Variants in ARL15 observed in about 807,000 individuals in gnomAD.
ARL15 encodes ADP-ribosylation factor-like protein 15.
Under a neutral mutation model 25.2 loss-of-function variants are expected in ARL15, and 19 were observed. The ratio of observed to expected loss-of-function variants is 0.75; its 90% CI spans 0.53 to 1.10. The LOEUF (loss-of-function observed/expected upper bound fraction) is 1.10. ARL15 is among the 50% of genes least tolerant of loss of function. The probability of loss-of-function intolerance (pLI) is 0.00; values close to 1 mark genes in which losing one functional copy is unlikely to be tolerated. For missense variants in ARL15, 220 were observed against 246.0 expected, an observed-to-expected ratio of 0.89 and a Z score of 0.71; for synonymous variants, 94 against 86.8, an observed-to-expected ratio of 1.08 and a Z score of -0.46.
chr5:54,141,747 T>G (rs995759743), intron 3 of ARL15, among the ~76,000 whole-genome samples: 2 of 152,306 alleles, frequency 1.3e-5, no homozygotes, highest in South Asian at 4.1e-4. Flanking sequence ...CACTGGTCTT[T>G]CTGTCACTAA....
intron 4 of ARL15, chr5:54,067,093 C>G (rs1751260989): frequency 6.6e-6 from 1 of 152,640 alleles, no homozygotes; most frequent in Admixed American, 6.5e-5. Context: ...CAACATCTAA[C>G]AGGAAATTGG....
intron 4 of ARL15, among the ~76,000 whole-genome samples, chr5:53,908,945 A>C (rs1307035422): frequency 1.3e-5 from 2 of 152,230 alleles, no homozygotes; most frequent in Non-Finnish European, 2.9e-5. Flanking sequence ...CATCATTTGA[A>C]AAATACATGC....
chr5:54,231,051 T>C (rs1280011205), intron 1 of ARL15, among the ~76,000 whole-genome samples: 3 of 152,190 alleles, frequency 2.0e-5, no homozygotes, highest in Non-Finnish European at 2.9e-5. Flanking sequence ...TCTCTCCCTC[T>C]TTCCCCTGCT....
rs72756274 is a variant in ARL15, at chr5:54,283,980, G to A, written c.48+26452C>T. Among the ~76,000 whole-genome samples the A allele has an allele frequency of 9.7e-3, 1,484 of 152,216 alleles. 9 individuals are homozygous for A. The highest frequency in any genetic ancestry group is 0.02 in the Middle Eastern group (6 of 294). On this transcript the variant is annotated intron_variant, in intron 1 of 4. Transcript: ENST00000504924. Reference sequence around the variant, plus strand: ...TCCAGTGACAATCTTGGGTTGTGACGGCACAATGAGAACAGTGGACACATG... The same window carrying A: ...TCCAGTGACAATCTTGGGTTGTGACAGCACAATGAGAACAGTGGACACATG...
chr5:54,249,767 G>A (rs191046325), intron 1 of ARL15, among the ~76,000 whole-genome samples: 8 of 151,330 alleles, frequency 5.3e-5, no homozygotes, highest in East Asian at 2.0e-4. Flanking sequence ...CCTAAGGCAC[G>A]ACAGAGGAGC....
intron 4 of ARL15, among the ~76,000 whole-genome samples, chr5:54,077,928 T>G (rs1751665464): frequency 6.6e-6 from 1 of 152,204 alleles, no homozygotes; most frequent in Admixed American, 6.5e-5. Context: ...TTTGGAAATA[T>G]GTAATTAATA....
intron 4 of ARL15, among the ~76,000 whole-genome samples, chr5:54,110,302 C>G (rs1752703065): frequency 6.6e-6 from 1 of 151,942 alleles, no homozygotes; most frequent in African/African-American, 2.4e-5. Flanking sequence ...CTGGCTTCTC[C>G]CCACTTCTAA....
chr5:54,025,728 AG>A (rs1262949177), intron 4 of ARL15, among the ~76,000 whole-genome samples: 3 of 152,180 alleles, frequency 2.0e-5, no homozygotes, highest in Admixed American at 2.0e-4. Context: ...GCTATTTCCC[AG>A]GGATAAATTG....
intron 3 of ARL15, among the ~76,000 whole-genome samples, chr5:54,129,511 C>T (rs537534857): frequency 6.6e-5 from 10 of 151,904 alleles, no homozygotes; most frequent in African/African-American, 1.2e-4. Flanking sequence ...AAAAATTAAA[C>T]GAGAAGAGAT....
At chr5:54,200,052 C>T (rs1395838698) in intron 1 of ARL15, among the ~76,000 whole-genome samples, 1 of 149,198 alleles carries the variant, frequency 6.7e-6, no homozygotes, top group African/African-American at 2.5e-5. Flanking sequence ...GAACAAAAAA[C>T]CAAACACCGC....
intron 4 of ARL15, among the ~76,000 whole-genome samples, chr5:53,961,965 A>G (rs1242780739): frequency 1.3e-5 from 2 of 152,196 alleles, no homozygotes; most frequent in Non-Finnish European, 2.9e-5. Context: ...AATGTAATTA[A>G]TTCAACCAGT....
intron 4 of ARL15, among the ~76,000 whole-genome samples, chr5:54,054,600 C>T (rs1256943034): frequency 6.6e-6 from 1 of 152,124 alleles, no homozygotes; most frequent in Non-Finnish European, 1.5e-5. Flanking sequence ...ACCATCCTGG[C>T]TAACACGGTG....
At chr5:54,148,005 T>C (rs1042552007) in intron 3 of ARL15, among the ~76,000 whole-genome samples, 2 of 152,182 alleles carry the variant, frequency 1.3e-5, no homozygotes, top group South Asian at 2.1e-4. Flanking sequence ...TGATGCATAA[T>C]ATACATGGAA....
chr5:54,148,724 T>TG (rs1193508170), intron 3 of ARL15, among the ~76,000 whole-genome samples: 1 of 152,038 alleles, frequency 6.6e-6, no homozygotes, highest in Non-Finnish European at 1.5e-5. Context: ...GGATGGGGCA[T>TG]GGGGAGACAA....
At chr5:53,898,156 G>C (rs530903211) in intron 4 of ARL15, among the ~76,000 whole-genome samples, 1 of 152,290 alleles carries the variant, frequency 6.6e-6, no homozygotes, top group South Asian at 2.1e-4. Context: ...ACAGGTGGCA[G>C]AGGCAGAAGA....
chr5:53,895,716 C>G (rs1173016656), intron 4 of ARL15, among the ~76,000 whole-genome samples: 3 of 152,142 alleles, frequency 2.0e-5, no homozygotes, highest in Non-Finnish European at 4.4e-5. Flanking sequence ...TTAACAATTA[C>G]ATTTATGGTG....
chr5:54,119,881 G>T (rs1401332002), intron 3 of ARL15, among the ~76,000 whole-genome samples: 1 of 152,138 alleles, frequency 6.6e-6, no homozygotes, highest in Non-Finnish European at 1.5e-5. Context: ...TGATCTTGCA[G>T]CTGGGAATAA....
At chr5:53,996,618 TAAAAAAAA>T (rs529752025) in intron 4 of ARL15, among the ~76,000 whole-genome samples, 1 of 98,878 alleles carries the variant, frequency 1.0e-5, no homozygotes, top group Admixed American at 1.1e-4. Flanking sequence ...GACTGTCTCA[TAAAAAAAA>T]AAAAAAAAAA....
intron 1 of ARL15, among the ~76,000 whole-genome samples, chr5:54,212,122 T>C (rs754002699): frequency 3.9e-5 from 6 of 152,158 alleles, no homozygotes; most frequent in Non-Finnish European, 5.9e-5. Flanking sequence ...AACTCTGTCA[T>C]AGCATGAAGG....
Sources: gnomAD v4.1 joint callset for allele counts (sites outside exome capture counted in the v4.1 genomes callset) on GRCh38, gnomAD v4.1.1 for gene constraint, MANE v1.5 for transcripts, NCBI Gene and HGNC (gene_info 2026-07-23, HGNC 2026-07-21) for gene names.